GABRB2: variants seen among roughly 807,000 people sequenced by gnomAD.
GABRB2 encodes gamma-aminobutyric acid receptor subunit beta-2.
A neutral mutation model predicts 54.7 loss-of-function variants in GABRB2; 16 were observed. That is an observed-to-expected ratio of 0.29 (90% CI 0.20 to 0.44). The LOEUF is 0.44. Among genes scored for constraint, GABRB2 ranks in the 20% least tolerant of loss-of-function variants. GABRB2 has a pLI of 1.00. For missense variants in GABRB2, 355 were observed against 644.0 expected (o/e 0.55, Z 4.86); for synonymous variants, 244 against 233.8 (o/e 1.04, Z -0.40).
intron 4 of GABRB2, among the ~76,000 whole-genome samples, chr5:161,456,455 C>CT (rs1757957837): frequency 6.6e-6 from 1 of 152,140 alleles, no homozygotes; most frequent in South Asian, 2.1e-4. Context: ...CATCTAAACA[C>CT]TTTTTTATCT....
intron 4 of GABRB2, among the ~76,000 whole-genome samples, chr5:161,416,128 C>A (rs1267662460): frequency 6.6e-6 from 1 of 151,970 alleles, no homozygotes; most frequent in East Asian, 1.9e-4. Context: ...TTTGTAGAGA[C>A]AAGGTCTCAC....
intron 4 of GABRB2, among the ~76,000 whole-genome samples, chr5:161,435,478 T>C (rs777498993): frequency 1.8e-4 from 28 of 152,264 alleles, no homozygotes; most frequent in Admixed American, 7.2e-4. Flanking sequence ...TAGTGATGAG[T>C]ATTTCTAAAG....
At chr5:161,372,026 G>A (rs915962080) in intron 5 of GABRB2, among the ~76,000 whole-genome samples, 2 of 152,034 alleles carry the variant, frequency 1.3e-5, no homozygotes, top group South Asian at 2.1e-4. Flanking sequence ...CACTGCACCT[G>A]TCCATAAAAA....
At chr5:161,502,030 T>C (rs963797034) in intron 3 of GABRB2, among the ~76,000 whole-genome samples, 2 of 149,236 alleles carry the variant, frequency 1.3e-5, no homozygotes, top group Non-Finnish European at 3.0e-5. Flanking sequence ...TATTCTTATA[T>C]GGTATATAAA....
At chr5:161,347,726 C>T (rs148555526) in intron 5 of GABRB2, among the ~76,000 whole-genome samples, 1,820 of 152,164 alleles carry the variant, frequency 0.012, 34 homozygotes, top group African/African-American at 0.04. Context: ...GCAGAACCTC[C>T]CAGCTGACCT....
intron 3 of GABRB2, among the ~76,000 whole-genome samples, chr5:161,470,824 T>G (rs1390395773): frequency 6.6e-6 from 1 of 152,028 alleles, no homozygotes; most frequent in Non-Finnish European, 1.5e-5. Flanking sequence ...AAGGGGAAAC[T>G]ACCATACTAT....
rs139786160 is a variant in GABRB2 at position 161,435,014 on chromosome 5, T to C, written c.459-23957A>G. ...ATCATTATCACAATGCGGTGTTATATAGAGATGTCTGTGTTTCCAAAGCCT... is the reference window on the plus strand; with the variant it reads ...ATCATTATCACAATGCGGTGTTATACAGAGATGTCTGTGTTTCCAAAGCCT... On this transcript the variant is annotated intron_variant, in intron 4 of 9. Transcript: ENST00000393959. Among the ~76,000 whole-genome samples the C allele has an allele frequency of 3.5e-3, 531 of 152,338 alleles. 2 individuals carry two copies. The highest frequency in any genetic ancestry group is 0.012 in the African/African-American group (509 of 41,578).
At chr5:161,471,821 T>C (rs924224679) in intron 3 of GABRB2, among the ~76,000 whole-genome samples, 1 of 152,008 alleles carries the variant, frequency 6.6e-6, no homozygotes, top group African/African-American at 2.4e-5. Flanking sequence ...CAATTTGTGC[T>C]TTTTATTGCC....
intron 4 of GABRB2, among the ~76,000 whole-genome samples, chr5:161,443,535 C>T (rs966603708): frequency 3.9e-5 from 6 of 152,182 alleles, no homozygotes; most frequent in Non-Finnish European, 7.4e-5. Flanking sequence ...TTATTCAGCT[C>T]CATAAGTCAG....
Position 161,510,113 on chromosome 5 carries a change from C to T in GABRB2, c.237+35114G>A, listed in dbSNP as rs375644544. 5.9e-5 allele frequency among the ~76,000 whole-genome samples: 9 copies of T among 151,862 alleles called. No individual in the cohort carries two copies. The South Asian group carries it at 1.7e-3, about 28-fold the overall frequency. ...GGTATGTATCCCCTCGAGCATTTAT[C>T]CTTTGTGTTACAAACAATCTAATTA... On this transcript the variant is annotated intron_variant, in intron 3 of 9. Coordinates refer to ENST00000393959, the MANE Select transcript of GABRB2 (RefSeq NM_001371727.1).
At chr5:161,384,222 A>G (rs960113401) in intron 5 of GABRB2, among the ~76,000 whole-genome samples, 2 of 152,220 alleles carry the variant, frequency 1.3e-5, no homozygotes, top group Non-Finnish European at 2.9e-5. Context: ...AAGATGAGAC[A>G]CTTTAATTGC....
At chr5:161,454,637 T>C (rs1025221209) in intron 4 of GABRB2, among the ~76,000 whole-genome samples, 2 of 152,234 alleles carry the variant, frequency 1.3e-5, no homozygotes, top group Non-Finnish European at 2.9e-5. Flanking sequence ...ACTCCAACTA[T>C]ATGATTTCAT....
chr5:161,541,714 C>T (rs750501144), intron 3 of GABRB2, among the ~76,000 whole-genome samples: 5 of 152,212 alleles, frequency 3.3e-5, no homozygotes, highest in Non-Finnish European at 7.3e-5. Context: ...GGTAATCTGG[C>T]TTTGTCTCTA....
intron 3 of GABRB2, among the ~76,000 whole-genome samples, chr5:161,540,283 T>G (rs1405455266): frequency 6.6e-6 from 1 of 152,222 alleles, no homozygotes; most frequent in Non-Finnish European, 1.5e-5. Context: ...AGATTCCATC[T>G]CAAGAAACCA....
intron 3 of GABRB2, among the ~76,000 whole-genome samples, chr5:161,505,362 C>T (rs1759575310): frequency 1.3e-5 from 2 of 152,144 alleles, no homozygotes; most frequent in South Asian, 4.1e-4. Context: ...AACTCCTGAG[C>T]TCTGGTGATC....
intron 3 of GABRB2, among the ~76,000 whole-genome samples, chr5:161,466,687 C>A (rs775664762): frequency 1.0e-3 from 155 of 152,008 alleles, no homozygotes; most frequent in Non-Finnish European, 2.6e-4. Flanking sequence ...TGCAGCATCT[C>A]CCCTTGTCTC....
At chr5:161,442,398 C>A (rs1205322586) in intron 4 of GABRB2, among the ~76,000 whole-genome samples, 2 of 151,984 alleles carry the variant, frequency 1.3e-5, no homozygotes, top group African/African-American at 4.8e-5. Context: ...GATGAGGTAC[C>A]CACTCTCGTG....
intron 4 of GABRB2, 174 bp downstream of exon 4, chr5:161,459,450 G>C: frequency 1.6e-6 from 1 of 625,682 alleles, no homozygotes; most frequent in East Asian, 2.8e-5. Context: ...CTGAGGTTAA[G>C]TTCCTTTGTA....
chr5:161,332,185 A>AAG (rs1753872831), intron 7 of GABRB2, among the ~76,000 whole-genome samples: 1 of 151,722 alleles, frequency 6.6e-6, no homozygotes, highest in Non-Finnish European at 1.5e-5. Flanking sequence ...AAAAAAAAAA[A>AAG]AGAATGCCAG....
Sources: allele counts gnomAD v4.1 joint callset (sites outside exome capture counted in the v4.1 genomes callset), GRCh38; gene constraint gnomAD v4.1.1; transcripts MANE v1.5; gene names NCBI Gene and HGNC (gene_info 2026-07-23, HGNC 2026-07-21).